Variants in ADCY5 observed in about 807,000 individuals in gnomAD.
ADCY5 encodes the protein adenylate cyclase 5, also known as adenylate cyclase type 5.
A neutral mutation model predicts 119.7 loss-of-function variants in ADCY5; 30 were observed. The observed-to-expected ratio is 0.25, with a 90% CI of 0.19 to 0.34. ADCY5 has a LOEUF of 0.34. ADCY5 is among the 10% of genes least tolerant of loss of function. The probability of loss-of-function intolerance (pLI) is 1.00; values close to 1 mark genes in which losing one functional copy is unlikely to be tolerated. For missense variants in ADCY5, 1,324 were observed against 1,775.2 expected (o/e 0.75, Z 4.57); for synonymous variants, 753 against 762.2 (o/e 0.99, Z 0.20).
At chr3:123,360,286 C>T (rs1279649546) in intron 1 of ADCY5, among the ~76,000 whole-genome samples, 3 of 152,116 alleles carry the variant, frequency 2.0e-5, no homozygotes, top group Non-Finnish European at 4.4e-5. Flanking sequence ...GCCCATCTCT[C>T]TGCTCACTAG....
intron 7 of ADCY5, among the ~76,000 whole-genome samples, chr3:123,326,609 G>A (rs1213933460): frequency 6.6e-6 from 1 of 152,108 alleles, no homozygotes; most frequent in African/African-American, 2.4e-5. Context: ...TTGATACTAT[G>A]GCCAAGGAAC....
At chr3:123,408,976 A>T (rs1254844927) in intron 1 of ADCY5, among the ~76,000 whole-genome samples, 2 of 152,254 alleles carry the variant, frequency 1.3e-5, no homozygotes, top group Admixed American at 6.5e-5. Flanking sequence ...CTCTAACTCA[A>T]AAAATAAAAT....
intron 8 of ADCY5, among the ~76,000 whole-genome samples, chr3:123,323,024 C>T (rs1941299849): frequency 6.6e-6 from 1 of 152,210 alleles, no homozygotes; most frequent in Non-Finnish European, 1.5e-5. Context: ...CATGGAAAGC[C>T]CAATGGCCCT....
intron 11 of ADCY5, 69 bp from the exon 12 acceptor site, chr3:123,314,391 G>T: frequency 2.3e-6 from 3 of 1,296,992 alleles, no homozygotes; most frequent in Non-Finnish European, 3.3e-6. Context: ...TGGGGGACCT[G>T]CCTGGCAAGC....
chr3:123,297,788 G>A (rs974376848), intron 15 of ADCY5, among the ~76,000 whole-genome samples: 3 of 152,218 alleles, frequency 2.0e-5, no homozygotes, highest in South Asian at 4.1e-4. Flanking sequence ...CATGGGGCTG[G>A]TGCAAGCTAA....
chr3:123,397,671 G>C (rs772248073), intron 1 of ADCY5, among the ~76,000 whole-genome samples: 4 of 152,214 alleles, frequency 2.6e-5, no homozygotes, highest in Non-Finnish European at 5.9e-5. Flanking sequence ...GTTCTTCCTA[G>C]TGTCTGGTTT....
At chr3:123,387,503 G>T (rs1221734744) in intron 1 of ADCY5, among the ~76,000 whole-genome samples, 1 of 152,160 alleles carries the variant, frequency 6.6e-6, no homozygotes, top group Non-Finnish European at 1.5e-5. Flanking sequence ...GTAAACTACA[G>T]AGTGCAAAGT....
At chr3:123,293,172 G>A (rs1187786506) in intron 17 of ADCY5, among the ~76,000 whole-genome samples, 1 of 152,224 alleles carries the variant, frequency 6.6e-6, no homozygotes, top group Non-Finnish European at 1.5e-5. Context: ...GAAGGGACAA[G>A]AGCAGGCTCT....
chr3:123,292,089 G>A (rs1454746658), intron 17 of ADCY5, among the ~76,000 whole-genome samples: 1 of 152,254 alleles, frequency 6.6e-6, no homozygotes, highest in Non-Finnish European at 1.5e-5. Flanking sequence ...GAGGCCAGTA[G>A]TGCCCTACAA....
At chr3:123,317,332 T>A (rs1940965984) in intron 11 of ADCY5, among the ~76,000 whole-genome samples, 1 of 10,052 alleles carries the variant, frequency 9.9e-5, no homozygotes, top group East Asian at 6.4e-4. Context: ...CTTTTGAAGA[T>A]TTTTTTTTTT....
At position 123,345,477 on chromosome 3, in the gene ADCY5, G is replaced by A. The variant is rs138917757; in HGVS notation, c.1406+2305C>T. ...AAGCACCTTTGTCCATGCGGTGCCA[G>A]GGACAATGCCTGGGCCAGTGAGGTG... On this transcript the variant is annotated intron_variant, in intron 3 of 20. Transcript: ENST00000462833. Among the ~76,000 whole-genome samples, 722 of 152,326 alleles carry A rather than the reference G, an allele frequency of 4.7e-3. 6 individuals are homozygous for A. Among genetic ancestry groups the A allele is most frequent in the Non-Finnish European group, 8.3e-3 (562 of 68,034 alleles).
At chr3:123,349,035 C>T (rs1022063237) in intron 2 of ADCY5, among the ~76,000 whole-genome samples, 6 of 152,188 alleles carry the variant, frequency 3.9e-5, no homozygotes, top group Non-Finnish European at 7.3e-5. Context: ...GGGAGTAAGT[C>T]CATGGCCAAG....
In ADCY5 at chr3:123,346,607, T is replaced by TTCTCTCTCTCTCTCTCTCTCTCTCTCTC. The variant is rs72299981; in HGVS notation, c.1406+1147_1406+1174dup. 9.7e-4 allele frequency among the ~76,000 whole-genome samples: 124 copies of TTCTCTCTCTCTCTCTCTCTCTCTCTCTC among 128,030 alleles called. 1 individual carries two copies. Among genetic ancestry groups the TTCTCTCTCTCTCTCTCTCTCTCTCTCTC allele is most frequent in the Admixed American group, 1.8e-3 (23 of 13,098 alleles). 84.0% of individuals were successfully genotyped at this position (128,030 alleles called of 152,430 possible). A position where few individuals can be genotyped will look rare whatever the true frequency, so the allele number is the denominator to read the frequency against. On this transcript the variant is annotated intron_variant, in intron 3 of 20. Coordinates refer to ENST00000462833, the MANE Select transcript of ADCY5 (RefSeq NM_183357.3). Reference sequence around the variant, plus strand: ...CACCCCTACTGCTGTCAGCCTCACCTTCTCTCTCTCTCTCTCTCTCTCTCT... The same window carrying TTCTCTCTCTCTCTCTCTCTCTCTCTCTC: ...CACCCCTACTGCTGTCAGCCTCACCTTCTCTCTCTCTCTCTCTCTCTCTCTCTCTCTCTCTCTCTCTCTCTCTCTCTCT...
intron 8 of ADCY5, among the ~76,000 whole-genome samples, chr3:123,322,251 G>A (rs1941256880): frequency 6.6e-6 from 1 of 152,152 alleles, no homozygotes; most frequent in African/African-American, 2.4e-5. Context: ...ATTTTACTAC[G>A]GAACCGAGAA....
chr3:123,424,972 G>C (rs1015000211), intron 1 of ADCY5, among the ~76,000 whole-genome samples: 1 of 152,234 alleles, frequency 6.6e-6, no homozygotes, highest in African/African-American at 2.4e-5. Context: ...TTTCGAGACT[G>C]ACTCCTTCAG....
Position 123,304,170 on chromosome 3 carries a change from G to C in ADCY5, c.2456C>G (p.Pro819Arg). The C allele has an allele frequency of 6.2e-7, 1 of 1,610,238 alleles. No individual in the cohort carries two copies. The highest frequency in any genetic ancestry group is 1.3e-5 in the African/African-American group (1 of 74,960). Residue 819 changes from proline to arginine, a missense_variant, in exon 13 of 21, where the codon CCA becomes CGA. By Grantham distance (103) the Pro-to-Arg change is moderately radical. This residue lies in a region of ADCY5 where 424 missense variants were observed against 546.8 expected (regional missense o/e 0.78). Transcript: ENST00000462833. ...GATCTTCCTGGAGAGGGTCTGCAGT[G>C]GGGAGGGGAAGAGCTAGGGTGGGGG... ...IYSCVKLFPSPLQTLSRKIVR... is the reference protein window; with the variant it reads ...IYSCVKLFPSRLQTLSRKIVR...
chr3:123,441,944 T>C (rs1182336768), intron 1 of ADCY5, among the ~76,000 whole-genome samples: 2 of 150,700 alleles, frequency 1.3e-5, no homozygotes, highest in African/African-American at 2.4e-5. Flanking sequence ...AAGAGAGATC[T>C]TCCCTGTCCT....
At chr3:123,410,243 T>C (rs925296262) in intron 1 of ADCY5, among the ~76,000 whole-genome samples, 1 of 152,170 alleles carries the variant, frequency 6.6e-6, no homozygotes, top group African/African-American at 2.4e-5. Flanking sequence ...GAAGCTTCCC[T>C]TGTAGAACTC....
chr3:123,385,538 T>G (rs1284197575), intron 1 of ADCY5, among the ~76,000 whole-genome samples: 1 of 151,946 alleles, frequency 6.6e-6, no homozygotes, highest in Non-Finnish European at 1.5e-5. Flanking sequence ...GAGACAGGGG[T>G]GTGTACAGGG....
Sources: gnomAD v4.1 joint callset for allele counts (sites outside exome capture counted in the v4.1 genomes callset) on GRCh38, gnomAD v4.1.1 for gene constraint, gnomAD v4.1.1 regional missense constraint, MANE v1.5 for transcripts, NCBI Gene and HGNC (gene_info 2026-07-23, HGNC 2026-07-21) for gene names.